Variants in RBMS1 observed in about 807,000 individuals in gnomAD.
RBMS1 encodes RNA binding motif single stranded interacting protein 1, also known as RNA-binding motif, single-stranded-interacting protein 1.
Under a neutral mutation model 62.3 loss-of-function variants are expected in RBMS1, and 17 were observed. That is an observed-to-expected ratio of 0.27 (90% CI 0.19 to 0.41). RBMS1 has a LOEUF of 0.41. Ranked by LOEUF, RBMS1 falls within the 10% of genes least tolerant of loss-of-function variation. RBMS1 has a pLI of 1.00. For missense variants in RBMS1, 334 were observed against 504.5 expected (o/e 0.66, Z 3.24); for synonymous variants, 172 against 170.0 (o/e 1.01, Z -0.09).
At chr2:160,404,909 G>A (rs1399667218) in intron 1 of RBMS1, among the ~76,000 whole-genome samples, 1 of 152,212 alleles carries the variant, frequency 6.6e-6, no homozygotes, top group Non-Finnish European at 1.5e-5. Flanking sequence ...TTGCTATTGA[G>A]CAGTACATGT....
intron 1 of RBMS1, among the ~76,000 whole-genome samples, chr2:160,471,753 C>A (rs1684933540): frequency 8.0e-6 from 1 of 124,736 alleles, no homozygotes; most frequent in African/African-American, 3.0e-5. Flanking sequence ...TAGAAGTCCA[C>A]TAGGTATTAG....
intron 1 of RBMS1, among the ~76,000 whole-genome samples, chr2:160,377,284 C>T (rs10929981): frequency 0.76 from 116,265 of 152,116 alleles, 45,156 homozygotes; most frequent in East Asian, 0.86. Context: ...AAGAAATAAA[C>T]GCTGGTTGTA....
At chr2:160,481,751 T>C (rs947618767) in intron 1 of RBMS1, among the ~76,000 whole-genome samples, 4 of 152,204 alleles carry the variant, frequency 2.6e-5, no homozygotes, top group African/African-American at 9.6e-5. Context: ...AATATATTTT[T>C]AAAAGTGCTC....
intron 1 of RBMS1, among the ~76,000 whole-genome samples, chr2:160,472,603 C>T (rs1684966906): frequency 6.6e-6 from 1 of 152,110 alleles, no homozygotes; most frequent in South Asian, 2.1e-4. Context: ...TCAGGAAATG[C>T]ATTTTGTATT....
intron 1 of RBMS1, among the ~76,000 whole-genome samples, chr2:160,490,859 T>C (rs1328762715): frequency 6.6e-6 from 1 of 152,138 alleles, no homozygotes; most frequent in Non-Finnish European, 1.5e-5. Context: ...AAACAGAAGT[T>C]TCAAAATGAC....
rs563759289 is a variant in RBMS1 at position 160,474,896 on chromosome 2, A to AAT, written c.75+18391_75+18392dup. Among the ~76,000 whole-genome samples the AAT allele has an allele frequency of 8.5e-5, 13 of 152,350 alleles. No homozygotes were observed. In the East Asian group the frequency reaches 2.5e-3, roughly 29 times the overall value. Reference sequence around the variant, plus strand: ...AAGTATTTTCAGTTGCGTCGCAAGTAATATATCGTATTTATGGTGTGATAA... The same window carrying AAT: ...AAGTATTTTCAGTTGCGTCGCAAGTAATATATATCGTATTTATGGTGTGATAA... On this transcript the variant is annotated intron_variant, in intron 1 of 13. Transcript: ENST00000348849.
At chr2:160,409,500 G>T (rs1016331744) in intron 1 of RBMS1, among the ~76,000 whole-genome samples, 2 of 152,114 alleles carry the variant, frequency 1.3e-5, no homozygotes, top group Admixed American at 6.5e-5. Context: ...CCCTTTTGCT[G>T]TCTCCTCTCA....
chr2:160,457,462 C>G (rs576975350), intron 1 of RBMS1, among the ~76,000 whole-genome samples: 1 of 152,314 alleles, frequency 6.6e-6, no homozygotes, highest in East Asian at 1.9e-4. Flanking sequence ...GAGGCTCTCA[C>G]AGCTGGTAAG....
chr2:160,438,154 A>C (rs2105296495), intron 1 of RBMS1, among the ~76,000 whole-genome samples: 1 of 152,346 alleles, frequency 6.6e-6, no homozygotes, highest in South Asian at 2.1e-4. Flanking sequence ...TCAGAAGTAA[A>C]GAATATTCTT....
chr2:160,466,748 A>T (rs1346193992), intron 1 of RBMS1, among the ~76,000 whole-genome samples: 3 of 152,218 alleles, frequency 2.0e-5, no homozygotes, highest in Non-Finnish European at 4.4e-5. Flanking sequence ...AGAAAAACAA[A>T]AACAAAAAGC....
At chr2:160,478,029 G>C (rs995596194) in intron 1 of RBMS1, among the ~76,000 whole-genome samples, 6 of 152,170 alleles carry the variant, frequency 3.9e-5, no homozygotes, top group Admixed American at 1.3e-4. Context: ...CAATCTTCTA[G>C]TCCTAGCGGG....
intron 2 of RBMS1, among the ~76,000 whole-genome samples, chr2:160,344,959 T>C (rs1334828461): frequency 6.6e-6 from 1 of 152,178 alleles, no homozygotes; most frequent in Non-Finnish European, 1.5e-5. Flanking sequence ...TTTCTAGCTA[T>C]GAGTCTCTTA....
intron 1 of RBMS1, among the ~76,000 whole-genome samples, chr2:160,426,859 G>A (rs1196783209): frequency 6.6e-6 from 1 of 152,126 alleles, no homozygotes; most frequent in Non-Finnish European, 1.5e-5. Context: ...CATGTCAGGG[G>A]GAAAAGAATG....
chr2:160,393,620 A>G (rs1434263431), intron 1 of RBMS1, among the ~76,000 whole-genome samples: 1 of 152,058 alleles, frequency 6.6e-6, no homozygotes, highest in Non-Finnish European at 1.5e-5. Flanking sequence ...TCCACTAAAA[A>G]TACAAAATTA....
In RBMS1 at chr2:160,493,286, T is replaced by C. The variant is rs911051891; in HGVS notation, c.75+3A>G. 6 of 1,612,592 alleles carry C rather than the reference T, an allele frequency of 3.7e-6. No homozygotes were observed. Among genetic ancestry groups the C allele is most frequent in the African/African-American group, 1.3e-5 (1 of 74,940 alleles). ...CCGTCACCTCTCCCCGGCGCCCCTT[T>C]ACCTTGGCTTGCAGATACTGGGGGT... On this transcript the variant is annotated splice_donor_region_variant and intron_variant, in intron 1 of 13. Transcript: ENST00000348849.
rs957861187 is a variant in RBMS1 at position 160,292,965 on chromosome 2, CACG to C, written c.641-5884_641-5882del. Among the ~76,000 whole-genome samples, 22 of 152,160 alleles carry C rather than the reference CACG, an allele frequency of 1.4e-4. 1 individual carries two copies. Among genetic ancestry groups the C allele is most frequent in the African/African-American group, 4.8e-4 (20 of 41,430 alleles). ...AGGCCTGTTCCAGCGCTTTTGCTGT[CACG>C]ACAACAATTCTTCTTAAGAGTATAG... is the stretch of plus-strand genomic sequence containing the variant. On this transcript the variant is annotated intron_variant, in intron 6 of 13. Transcript: ENST00000348849.
chr2:160,397,002 T>C (rs1695182826), intron 1 of RBMS1, among the ~76,000 whole-genome samples: 1 of 152,308 alleles, frequency 6.6e-6, no homozygotes, highest in South Asian at 2.1e-4. Context: ...ATTTCACGTT[T>C]CCTTAGCCTT....
intron 2 of RBMS1, among the ~76,000 whole-genome samples, chr2:160,332,601 C>T (rs995385061): frequency 6.6e-6 from 1 of 152,154 alleles, no homozygotes; most frequent in Non-Finnish European, 1.5e-5. Context: ...TGACTTCCTG[C>T]TTCCTCTCCC....
intron 1 of RBMS1, among the ~76,000 whole-genome samples, chr2:160,448,874 G>C (rs1460533504): frequency 2.0e-5 from 3 of 149,446 alleles, no homozygotes; most frequent in African/African-American, 7.4e-5. Context: ...GCCGCCCATC[G>C]TCTGAGATGT....
Sources: gnomAD v4.1 joint callset for allele counts (sites outside exome capture counted in the v4.1 genomes callset) on GRCh38, gnomAD v4.1.1 for gene constraint, MANE v1.5 for transcripts, NCBI Gene and HGNC (gene_info 2026-07-23, HGNC 2026-07-21) for gene names.